Variants in MAGI2 observed in about 807,000 individuals in gnomAD.
MAGI2 encodes the protein membrane associated guanylate kinase, WW and PDZ domain containing 2.
Under a neutral mutation model 133.3 loss-of-function variants are expected in MAGI2, and 35 were observed. The ratio of observed to expected loss-of-function variants is 0.26; its 90% CI spans 0.20 to 0.35. MAGI2 has a LOEUF of 0.35. Among genes scored for constraint, MAGI2 ranks in the 10% least tolerant of loss-of-function variants. The probability of loss-of-function intolerance (pLI) is 1.00; values close to 1 mark genes in which losing one functional copy is unlikely to be tolerated. For synonymous variants in MAGI2, 729 were observed against 710.6 expected, an observed-to-expected ratio of 1.03 and a Z score of -0.41; for missense variants, 1,636 against 1,863.4, an observed-to-expected ratio of 0.88 and a Z score of 2.25.
intron 20 of MAGI2, among the ~76,000 whole-genome samples, chr7:78,083,878 G>T (rs934583227): frequency 1.3e-5 from 2 of 152,162 alleles, no homozygotes; most frequent in African/African-American, 4.8e-5. Context: ...AGTTCAGGTT[G>T]GAAGAAAAAA....
intron 21 of MAGI2, 160 bp downstream of exon 21, chr7:78,078,784 GTGT>G: frequency 1.4e-6 from 1 of 703,822 alleles, no homozygotes; most frequent in Non-Finnish European, 2.4e-6. Flanking sequence ...ACGTGTGTGT[GTGT>G]ATGTGTGTGT....
At chr7:78,799,913 A>G (rs548339675) in intron 2 of MAGI2, among the ~76,000 whole-genome samples, 344 of 152,272 alleles carry the variant, frequency 2.3e-3, no homozygotes, top group Non-Finnish European at 4.0e-3. Context: ...CGTCAGCTAT[A>G]GTGATGGAAA....
chr7:79,280,926 G>GAAAAAAA (rs71095390), intron 1 of MAGI2, among the ~76,000 whole-genome samples: 15 of 35,788 alleles, frequency 4.2e-4, no homozygotes, highest in African/African-American at 9.0e-4. Context: ...CTCTGTCTCT[G>GAAAAAAA]AAAAAAAAAA....
chr7:78,761,466 A>ATT (rs763019901), intron 2 of MAGI2, among the ~76,000 whole-genome samples: 2,411 of 138,274 alleles, frequency 0.017, 71 homozygotes, highest in African/African-American at 0.052. Context: ...GTAGATTCTG[A>ATT]TTTTTTTTTT....
intron 20 of MAGI2, among the ~76,000 whole-genome samples, chr7:78,092,508 C>T (rs1264662819): frequency 6.6e-6 from 1 of 152,190 alleles, no homozygotes. Flanking sequence ...GATTGTCCAT[C>T]CATGCATGAG....
chr7:79,235,149 G>A (rs1010635520), intron 1 of MAGI2, among the ~76,000 whole-genome samples: 322 of 151,834 alleles, frequency 2.1e-3, no homozygotes, highest in African/African-American at 7.2e-3. Context: ...CAGTCTGCCC[G>A]TTCTCAGATC....
intron 1 of MAGI2, among the ~76,000 whole-genome samples, chr7:79,273,355 T>C (rs529201273): frequency 1.3e-5 from 2 of 152,238 alleles, no homozygotes; most frequent in South Asian, 2.1e-4. Flanking sequence ...TTTCTTAGTA[T>C]GAGGCTCCCC....
Position 79,325,696 on chromosome 7 carries a change from G to T in MAGI2, c.301+127324C>A, listed in dbSNP as rs548704343. Among the ~76,000 whole-genome samples, 4 of 152,188 alleles carry T rather than the reference G, an allele frequency of 2.6e-5. No individual in the cohort carries two copies. In the East Asian group the frequency reaches 7.7e-4, roughly 29 times the overall value. On this transcript the variant is annotated intron_variant, in intron 1 of 21. Coordinates refer to ENST00000354212, the MANE Select transcript of MAGI2 (RefSeq NM_012301.4). ...AAAGAGTTATTAATTCCACTCGGAG[G>T]GTGTAATGAAATCCTCATAAAAGTC...
Position 78,218,214 on chromosome 7 carries a change from A to G in MAGI2, c.2048-17021T>C, listed in dbSNP as rs57308322. ...GCCTTGGTTGAGTCATGATGTATGT[A>G]TTACAAGTCTGTGGCATGTTGGAAC... is the stretch of plus-strand genomic sequence containing the variant. On this transcript the variant is annotated intron_variant, in intron 10 of 21. Transcript: ENST00000354212. Among the ~76,000 whole-genome samples, 1,145 of 152,338 alleles carry G rather than the reference A, an allele frequency of 7.5e-3. 11 individuals are homozygous for G. Among genetic ancestry groups the G allele is most frequent in the African/African-American group, 0.026 (1,070 of 41,576 alleles).
chr7:78,630,389 G>A (rs1417006755), intron 2 of MAGI2, among the ~76,000 whole-genome samples: 1 of 148,786 alleles, frequency 6.7e-6, no homozygotes, highest in African/African-American at 2.5e-5. Flanking sequence ...GCTGAAATGT[G>A]GTGTACTGAC....
At chr7:78,966,832 C>T (rs867889542) in intron 2 of MAGI2, among the ~76,000 whole-genome samples, 2 of 120,644 alleles carry the variant, frequency 1.7e-5, no homozygotes, top group African/African-American at 3.4e-5. Flanking sequence ...TTTGCCTACA[C>T]GTCTTTTTTT....
chr7:79,395,013 A>C (rs1844936187), intron 1 of MAGI2, among the ~76,000 whole-genome samples: 1 of 152,204 alleles, frequency 6.6e-6, no homozygotes. Flanking sequence ...CTGAGAAAAA[A>C]TTCAGTCATA....
chr7:78,192,001 C>T (rs371699715), intron 12 of MAGI2, among the ~76,000 whole-genome samples: 16 of 152,166 alleles, frequency 1.1e-4, no homozygotes, highest in South Asian at 4.1e-4. Context: ...ACAGAACAAA[C>T]GTTCTGTAGC....
chr7:78,382,682 C>CT (rs1320732118), intron 6 of MAGI2, among the ~76,000 whole-genome samples: 3 of 152,064 alleles, frequency 2.0e-5, no homozygotes, highest in African/African-American at 7.2e-5. Context: ...TCGCCGTACT[C>CT]TATCGAACAC....
rs74573074 is a variant in MAGI2, at chr7:78,873,151, C to T, written c.418+133939G>A. Among the ~76,000 whole-genome samples, 331 of 152,222 alleles carry T rather than the reference C, an allele frequency of 2.2e-3. 2 individuals carry two copies. Among genetic ancestry groups the T allele is most frequent in the African/African-American group, 7.3e-3 (305 of 41,532 alleles). On this transcript the variant is annotated intron_variant, in intron 2 of 21. Transcript: ENST00000354212. ...AATCTTCATTTAGTAACTTAGATGA[C>T]GATTTTAAGAAAAGCTGCTAAATAA...
chr7:78,825,059 C>T (rs1790496764), intron 2 of MAGI2, among the ~76,000 whole-genome samples: 1 of 151,920 alleles, frequency 6.6e-6, no homozygotes, highest in Admixed American at 6.6e-5. Flanking sequence ...TACACCAGGG[C>T]CTGTTGGAGG....
At chr7:78,528,413 T>A (rs1797164184) in intron 3 of MAGI2, among the ~76,000 whole-genome samples, 1 of 152,130 alleles carries the variant, frequency 6.6e-6, no homozygotes, top group African/African-American at 2.4e-5. Flanking sequence ...AAATTCAAAC[T>A]TTAAGACATG....
At chr7:78,898,068 C>T (rs912974903) in intron 2 of MAGI2, among the ~76,000 whole-genome samples, 2 of 152,100 alleles carry the variant, frequency 1.3e-5, no homozygotes, top group Non-Finnish European at 2.9e-5. Context: ...ATGTGGCCAA[C>T]AAGCATATGA....
chr7:78,827,783 GAAAT>G (rs1790792354), intron 2 of MAGI2, among the ~76,000 whole-genome samples: 1 of 152,106 alleles, frequency 6.6e-6, no homozygotes, highest in Non-Finnish European at 1.5e-5. Flanking sequence ...GATTACATTA[GAAAT>G]AAATAGGGGA....
Sources: gnomAD v4.1 joint callset for allele counts (sites outside exome capture counted in the v4.1 genomes callset) on GRCh38, gnomAD v4.1.1 for gene constraint, MANE v1.5 for transcripts, NCBI Gene and HGNC (gene_info 2026-07-23, HGNC 2026-07-21) for gene names.